The following TEAD4 variants were observed in gnomAD, a reference collection of about 807,000 sequenced individuals.
TEAD4 encodes TEA domain transcription factor 4, also known as transcriptional enhancer factor TEF-3.
TEAD4 carries 36 observed loss-of-function variants against 52.4 expected under a neutral mutation model. That is an observed-to-expected ratio of 0.69 (90% CI 0.53 to 0.91). The LOEUF (loss-of-function observed/expected upper bound fraction) is 0.91. Among genes scored for constraint, TEAD4 ranks in the 40% least tolerant of loss-of-function variants. The pLI is 0.00. For missense variants in TEAD4, 508 were observed against 583.9 expected, an observed-to-expected ratio of 0.87 and a Z score of 1.34; for synonymous variants, 220 against 231.0, an observed-to-expected ratio of 0.95 and a Z score of 0.43.
intron 3 of TEAD4, among the ~76,000 whole-genome samples, chr12:2,998,650 C>G (rs2068971): frequency 0.85 from 129,322 of 151,852 alleles, 55,645 homozygotes; most frequent in Middle Eastern, 0.92. Context: ...GTCCTTTCAA[C>G]GGTCCCTTCA....
chr12:3,018,464 C>A, intron 6 of TEAD4, 81 bp from the exon 7 acceptor site: 32 of 1,562,332 alleles, frequency 2.0e-5, no homozygotes, highest in Non-Finnish European at 2.7e-5. Flanking sequence ...GAGGCCCTGC[C>A]CGGTCCTACC....
intron 2 of TEAD4, among the ~76,000 whole-genome samples, chr12:2,962,309 T>TATATAA (rs1175305206): frequency 5.9e-4 from 67 of 113,920 alleles, no homozygotes; most frequent in African/African-American, 2.4e-3. Context: ...TAAATATAAA[T>TATATAA]ATATAAATAT....
chr12:2,978,197 G>A (rs1022559302), intron 2 of TEAD4, among the ~76,000 whole-genome samples: 9 of 151,842 alleles, frequency 5.9e-5, no homozygotes, highest in Admixed American at 2.0e-4. Context: ...CTCCTGGTGC[G>A]CTTTAAACAA....
chr12:3,010,668 G>GGGAGA (rs1306790912), intron 3 of TEAD4, among the ~76,000 whole-genome samples: 1 of 152,212 alleles, frequency 6.6e-6, no homozygotes, highest in Non-Finnish European at 1.5e-5. Context: ...AGAAAGTGTG[G>GGGAGA]GGAGAGGAGA....
chr12:2,981,318 G>A (rs2098233945), intron 2 of TEAD4, among the ~76,000 whole-genome samples: 1 of 152,232 alleles, frequency 6.6e-6, no homozygotes, highest in African/African-American at 2.4e-5. Flanking sequence ...TTCCCGCCCA[G>A]GTCCCCTGGC....
At chr12:3,003,230 T>C (rs1357419418) in intron 3 of TEAD4, among the ~76,000 whole-genome samples, 1 of 152,252 alleles carries the variant, frequency 6.6e-6, no homozygotes, top group Non-Finnish European at 1.5e-5. Flanking sequence ...GCTTGTGCTC[T>C]CAGCTCCTCA....
intron 2 of TEAD4, among the ~76,000 whole-genome samples, chr12:2,978,267 T>A (rs1230094234): frequency 6.6e-6 from 1 of 152,214 alleles, no homozygotes; most frequent in African/African-American, 2.4e-5. Flanking sequence ...GTGTGCAGTT[T>A]GGTGGCATTA....
intron 5 of TEAD4, among the ~76,000 whole-genome samples, chr12:3,013,657 C>T (rs1431518577): frequency 2.0e-5 from 3 of 152,128 alleles, no homozygotes. Context: ...TCACTTGAAC[C>T]TGGGAAGTGG....
chr12:3,038,144 A>G lies in TEAD4; in HGVS notation c.1038+36A>G, dbSNP rs201681751. On this transcript the variant is annotated intron_variant, in intron 11 of 12. Transcript: ENST00000359864. The stretch of plus-strand genomic sequence containing the variant: ...ACCCTGGCGGGTGAGGGCCGGTGGC[A>G]GTGGTCTGTGTTTGCTGGGCATGGC... 8.8e-5 allele frequency: 141 copies of G among 1,598,892 alleles called. No homozygotes were observed. In the East Asian group the frequency reaches 2.0e-3, roughly 23 times the overall value.
At chr12:3,030,986 G>A (rs1351535473) in intron 10 of TEAD4, among the ~76,000 whole-genome samples, 1 of 152,242 alleles carries the variant, frequency 6.6e-6, no homozygotes, top group Non-Finnish European at 1.5e-5. Context: ...GACTCCTGCA[G>A]TGGAGACCAG....
chr12:3,015,389 G>C (rs2098263700), intron 5 of TEAD4, among the ~76,000 whole-genome samples: 1 of 152,232 alleles, frequency 6.6e-6, no homozygotes, highest in African/African-American at 2.4e-5. Context: ...ACAGGACTCA[G>C]TGAGGTTGTG....
intron 8 of TEAD4, 26 bp downstream of exon 8, chr12:3,019,196 TTCTATCGCA>T: frequency 6.2e-7 from 1 of 1,612,686 alleles, no homozygotes; most frequent in Non-Finnish European, 8.5e-7. Context: ...GTGGCCCCCT[TTCTATCGCA>T]GCCATGTGGC....
chr12:2,966,713 T>C (rs1440942861), intron 2 of TEAD4, among the ~76,000 whole-genome samples: 1 of 151,632 alleles, frequency 6.6e-6, no homozygotes, highest in South Asian at 2.1e-4. Context: ...GCCCGGCGTA[T>C]TTCTTTTTTT....
At chr12:2,992,080 A>G (rs2098243581) in intron 2 of TEAD4, among the ~76,000 whole-genome samples, 1 of 132,788 alleles carries the variant, frequency 7.5e-6, no homozygotes, top group Admixed American at 9.1e-5. Context: ...ATGTAGTGGC[A>G]CCATCTTGGC....
intron 10 of TEAD4, among the ~76,000 whole-genome samples, chr12:3,034,826 G>T (rs1040174768): frequency 1.3e-5 from 2 of 152,184 alleles, no homozygotes; most frequent in Non-Finnish European, 2.9e-5. Context: ...AGACGCGGTG[G>T]CTCACGCCTA....
intron 10 of TEAD4, among the ~76,000 whole-genome samples, chr12:3,030,252 G>A (rs7310603): frequency 0.6 from 91,467 of 152,062 alleles, 33,309 homozygotes; most frequent in East Asian, 0.94. Context: ...GCCCAGACTG[G>A]TTTTAAACTC....
chr12:3,012,992 A>G, intron 5 of TEAD4, among the ~76,000 whole-genome samples: 1 of 152,152 alleles, frequency 6.6e-6, no homozygotes, highest in Non-Finnish European at 1.5e-5. Context: ...TGTCTCTGTC[A>G]CCCACGCTCA....
In TEAD4 at chr12:2,959,618, T is replaced by A. The variant is rs935460756; in HGVS notation, c.-123+137T>A. ...CGCCCGCGTTCCCGCCTTGGACCTCTGCGCTCCGACGCGCTCCGTCCCGAC... is the reference window on the plus strand; with the variant it reads ...CGCCCGCGTTCCCGCCTTGGACCTCAGCGCTCCGACGCGCTCCGTCCCGAC... On this transcript the variant is annotated intron_variant, in intron 1 of 12. Transcript: ENST00000359864. This position sits in a 1 kb window ranked among gnomAD's most constrained non-coding sequence, Gnocchi z 5.1. 6.6e-6 allele frequency: 1 copy of A among 150,982 alleles called. No individual in the cohort carries two copies. The highest frequency in any genetic ancestry group is 1.5e-5 in the Non-Finnish European group (1 of 67,692). The allele number at this position is 150,982 out of a possible 1,614,324, so 9.4% of individuals were successfully genotyped here. A position where few individuals can be genotyped will look rare whatever the true frequency, so the allele number is the denominator to read the frequency against.
chr12:3,011,041 G>A lies in TEAD4; in HGVS notation c.264G>A (p.Arg88=), dbSNP rs2098259894. The change falls in exon 4 of 13, where the codon CGG becomes CGA. Residue 88 remains arginine, a synonymous_variant. Transcript: ENST00000359864. ...TGATTGCCCGCTACATCAAGCTCCG[G>A]ACAGGGAAGACCCGCACCAGGAAGC... is the stretch of plus-strand genomic sequence containing the variant. The A allele has an allele frequency of 1.2e-6, 2 of 1,614,008 alleles. No individual in the cohort carries two copies. Among genetic ancestry groups the A allele is most frequent in the South Asian group, 2.2e-5 (2 of 91,082 alleles).
Sources: allele counts gnomAD v4.1 joint callset (sites outside exome capture counted in the v4.1 genomes callset), GRCh38; gene constraint gnomAD v4.1.1; non-coding constraint Gnocchi (gnomAD v3.1); transcripts MANE v1.5; gene names NCBI Gene and HGNC (gene_info 2026-07-23, HGNC 2026-07-21).